The following QPRT variants were observed in gnomAD, a reference collection of about 807,000 sequenced individuals.
QPRT encodes quinolinate phosphoribosyltransferase.
Under a neutral mutation model 19.8 loss-of-function variants are expected in QPRT, and 17 were observed. The observed-to-expected ratio is 0.86, with a 90% CI of 0.59 to 1.29. The LOEUF is 1.29. Among genes scored for constraint, QPRT ranks in the 50% most tolerant of loss-of-function variants. The probability of loss-of-function intolerance (pLI) is 0.00; values close to 1 mark genes in which losing one functional copy is unlikely to be tolerated. For synonymous variants in QPRT, 178 were observed against 191.0 expected (o/e 0.93, Z 0.56); for missense variants, 336 against 405.1 (o/e 0.83, Z 1.46).
intron 1 of QPRT, among the ~76,000 whole-genome samples, chr16:29,692,258 T>C (rs2142307928): frequency 6.6e-6 from 1 of 151,896 alleles, no homozygotes; most frequent in East Asian, 1.9e-4. Flanking sequence ...CTTATTTATT[T>C]ATTTATTTAT....
intron 1 of QPRT, among the ~76,000 whole-genome samples, chr16:29,682,163 G>A (rs1416233461): frequency 6.6e-6 from 1 of 151,984 alleles, no homozygotes. Flanking sequence ...TGGAGTAGCT[G>A]GGACTGCAGG....
At chr16:29,696,795 G>A in intron 2 of QPRT, 1 of 590,480 alleles carries the variant, frequency 1.7e-6, no homozygotes, top group Non-Finnish European at 2.8e-6. Context: ...ACAAAACAAA[G>A]CAAAAACAAC....
At chr16:29,693,892 A>G (rs1398771338) in intron 1 of QPRT, among the ~76,000 whole-genome samples, 1 of 150,306 alleles carries the variant, frequency 6.7e-6, no homozygotes, top group African/African-American at 2.4e-5. Context: ...GCCTGGCCAG[A>G]CTGATTTTTT....
chr16:29,691,364 CAAAA>C (rs537664108), intron 1 of QPRT, among the ~76,000 whole-genome samples: 968 of 51,804 alleles, frequency 0.019, 6 homozygotes, highest in African/African-American at 0.095. Flanking sequence ...AGCTCTGCAT[CAAAA>C]AAAAAAAAAA....
intron 1 of QPRT, among the ~76,000 whole-genome samples, chr16:29,681,860 C>T (rs1376288292): frequency 6.6e-6 from 1 of 151,782 alleles, no homozygotes; most frequent in East Asian, 1.9e-4. Flanking sequence ...GTAGCTGGGA[C>T]TACACGTGCT....
rs538608154 is a variant in QPRT at position 29,697,006 on chromosome 16, C to T, written c.560C>T (p.Ala187Val). The T allele has an allele frequency of 1.2e-5, 19 of 1,604,864 alleles. No individual in the cohort carries two copies. Among genetic ancestry groups the T allele is most frequent in the South Asian group, 6.7e-5 (6 of 90,122 alleles). ...CCGGCTGCCCAGCAGGCGGTGCGGG[C>T]GGCCAGACAGGCGGCTGACTTCACT... ...AAGGVEKAVR[A>V]ARQAADFTLK... Residue 187 changes from alanine (A) to valine (V), a missense_variant, in exon 3 of 4, where the codon GCG becomes GTG. By Grantham distance (64) the Ala-to-Val change is moderately conservative. Coordinates refer to ENST00000395384, the MANE Select transcript of QPRT (RefSeq NM_014298.6). The surrounding 1 kb of genome is among the most constrained non-coding windows in gnomAD (Gnocchi z 4.4).
chr16:29,683,021 CTGAT>C (rs1967054655), intron 1 of QPRT, among the ~76,000 whole-genome samples: 1 of 150,542 alleles, frequency 6.6e-6, no homozygotes, highest in African/African-American at 2.4e-5. Context: ...CCACACCTGA[CTGAT>C]TCTTTTTTTT....
At chr16:29,695,244 C>A (rs774056574) in intron 2 of QPRT, 45 bp downstream of exon 2, 1 of 1,459,646 alleles carries the variant, frequency 6.9e-7, no homozygotes, top group South Asian at 1.4e-5. Flanking sequence ...CCTCAGCACA[C>A]CCCTCCCCTC....
At chr16:29,692,289 T>C (rs1967367062) in intron 1 of QPRT, among the ~76,000 whole-genome samples, 1 of 151,736 alleles carries the variant, frequency 6.6e-6, no homozygotes, top group African/African-American at 2.4e-5. Context: ...ATTTTTTAAG[T>C]GTGGGTACTG....
intron 1 of QPRT, among the ~76,000 whole-genome samples, chr16:29,681,683 G>A (rs1430416228): frequency 6.7e-6 from 1 of 148,490 alleles, no homozygotes; most frequent in African/African-American, 2.5e-5. Context: ...TTTTAGTAGA[G>A]ATGGGGTGTC....
intron 1 of QPRT, among the ~76,000 whole-genome samples, chr16:29,682,941 TA>T (rs1270458180): frequency 2.6e-4 from 40 of 152,000 alleles, no homozygotes; most frequent in African/African-American, 9.4e-4. Flanking sequence ...AATTTAGAGA[TA>T]GGGGTCTCAC....
In QPRT at chr16:29,694,597, T is replaced by C. The variant is rs1041211734; in HGVS notation, c.14-67T>C. 1.6e-5 allele frequency: 24 copies of C among 1,469,598 alleles called. No individual in the cohort carries two copies. In the African/African-American group the frequency reaches 3.3e-4, roughly 20 times the overall value. The allele number at this position is 1,469,598 out of a possible 1,614,324, so 91.0% of individuals were successfully genotyped here. ...TCCCAGTTTCACTGGTTGTTAAATA[T>C]TTTGACAGTGACCCCTGACAGCAGG... On this transcript the variant is annotated intron_variant, in intron 1 of 3. Coordinates refer to ENST00000395384, the MANE Select transcript of QPRT (RefSeq NM_014298.6).
At chr16:29,693,499 T>C (rs891828244) in intron 1 of QPRT, among the ~76,000 whole-genome samples, 5 of 152,076 alleles carry the variant, frequency 3.3e-5, no homozygotes, top group Non-Finnish European at 4.4e-5. Context: ...CCTCAGGTGA[T>C]CCACCTGCCT....
chr16:29,696,542 G>A (rs980780467), intron 2 of QPRT: 2 of 153,950 alleles, frequency 1.3e-5, no homozygotes, highest in African/African-American at 4.8e-5. Context: ...CAGCACTTTG[G>A]GAGGCTGAGA....
chr16:29,686,803 G>C (rs989841255), intron 1 of QPRT, among the ~76,000 whole-genome samples: 1 of 152,162 alleles, frequency 6.6e-6, no homozygotes, highest in African/African-American at 2.4e-5. Context: ...ACTGTGCCCA[G>C]CCTCCAACTC....
chr16:29,695,998 C>T (rs1967522058), intron 2 of QPRT: 1 of 152,298 alleles, frequency 6.6e-6, no homozygotes, highest in African/African-American at 2.4e-5. Context: ...CAAAGGACAA[C>T]ACAGGGGAAG....
intron 1 of QPRT, among the ~76,000 whole-genome samples, chr16:29,680,058 T>C (rs574452007): frequency 1.3e-3 from 190 of 151,196 alleles, no homozygotes; most frequent in Non-Finnish European, 2.0e-3. Flanking sequence ...CCCGGGTTCA[T>C]GCCATTCTCC....
rs1967595673 is a variant in QPRT at position 29,697,807 on chromosome 16, G to GA, written c.*399dup. On this transcript the variant is annotated 3_prime_UTR_variant, in exon 4 of 4. Coordinates refer to ENST00000395384, the MANE Select transcript of QPRT (RefSeq NM_014298.6). This position sits in a 1 kb window ranked among gnomAD's most constrained non-coding sequence, Gnocchi z 4.4. Reference sequence around the variant, plus strand: ...TTGAGACCAGCCTGGCCAACATGGTGAAACCCCATCTCTACCAAAAATAGA... The same window carrying GA: ...TTGAGACCAGCCTGGCCAACATGGTGAAAACCCCATCTCTACCAAAAATAGA... 1 of 164,984 alleles carries GA rather than the reference G, an allele frequency of 6.1e-6. No homozygotes were observed. The highest frequency in any genetic ancestry group is 1.3e-5 in the Non-Finnish European group (1 of 76,756). The allele number at this position is 164,984 out of a possible 1,614,324, so 10.2% of individuals were successfully genotyped here. A position where few individuals can be genotyped will look rare whatever the true frequency, so the allele number is the denominator to read the frequency against.
chr16:29,692,248 CTTATTTATTTATTTATTTAT>C (rs113592039), intron 1 of QPRT, among the ~76,000 whole-genome samples: 1 of 151,012 alleles, frequency 6.6e-6, no homozygotes, highest in Non-Finnish European at 1.5e-5. Context: ...GTCCACTATC[CTTATTTATTTATTTATTTAT>C]TTATTTATTT....
Sources: gnomAD v4.1 joint callset for allele counts (sites outside exome capture counted in the v4.1 genomes callset) on GRCh38, gnomAD v4.1.1 for gene constraint, Gnocchi (gnomAD v3.1) non-coding constraint, MANE v1.5 for transcripts, NCBI Gene and HGNC (gene_info 2026-07-23, HGNC 2026-07-21) for gene names.